ZBTB32: variants seen among roughly 807,000 people sequenced by gnomAD.
ZBTB32 encodes zinc finger and BTB domain-containing protein 32.
A neutral mutation model predicts 45.3 loss-of-function variants in ZBTB32; 28 were observed. The ratio of observed to expected loss-of-function variants is 0.62; its 90% confidence interval spans 0.46 to 0.85. The LOEUF is 0.85. Ranked by LOEUF, ZBTB32 falls within the 40% of genes least tolerant of loss-of-function variation. The pLI is 0.00. For synonymous variants in ZBTB32, 283 were observed against 255.7 expected, an observed-to-expected ratio of 1.11 and a Z score of -1.02; for missense variants, 587 against 624.4, an observed-to-expected ratio of 0.94 and a Z score of 0.64.
In ZBTB32 at chr19:35,715,551, A is replaced by G. The variant is rs773266548; in HGVS notation, c.881+44A>G. The G allele has an allele frequency of 3.2e-5, 48 of 1,510,788 alleles. 1 individual carries two copies. In the South Asian group the frequency reaches 5.7e-4, roughly 18 times the overall value. The allele number at this position is 1,510,788 out of a possible 1,614,324, so 93.6% of individuals were successfully genotyped here. ...TGCTCTGCCTCCAGGCTGGGAGGGCATGGCCCAGGAGGGGCAGCCCTGCTG... is the reference window on the plus strand; with the variant it reads ...TGCTCTGCCTCCAGGCTGGGAGGGCGTGGCCCAGGAGGGGCAGCCCTGCTG... On this transcript the variant is annotated intron_variant, in intron 3 of 6. Coordinates refer to ENST00000392197, the MANE Select transcript of ZBTB32 (RefSeq NM_014383.3).
At chr19:35,711,930 C>T (rs1393175503) in intron 1 of ZBTB32, among the ~76,000 whole-genome samples, 2 of 143,518 alleles carry the variant, frequency 1.4e-5, no homozygotes, top group East Asian at 4.2e-4. Flanking sequence ...GAGGCTGAGG[C>T]AGGAGAATCG....
chr19:35,713,964 G>A (rs980356600), intron 2 of ZBTB32, among the ~76,000 whole-genome samples: 4 of 152,246 alleles, frequency 2.6e-5, no homozygotes, highest in African/African-American at 4.8e-5. Flanking sequence ...CCTTCCCTGA[G>A]GATGTGTTCT....
chr19:35,710,779 G>C (rs574858219), intron 1 of ZBTB32, among the ~76,000 whole-genome samples: 1 of 152,240 alleles, frequency 6.6e-6, no homozygotes, highest in East Asian at 1.9e-4. Context: ...AGCACCAGCA[G>C]TGTCCCTACT....
At chr19:35,711,389 G>C (rs909940531) in intron 1 of ZBTB32, among the ~76,000 whole-genome samples, 1 of 152,180 alleles carries the variant, frequency 6.6e-6, no homozygotes, top group African/African-American at 2.4e-5. Context: ...TCTTTTATAT[G>C]GGTGTGGTGG....
At chr19:35,707,416 C>G (rs1401670296) in intron 1 of ZBTB32, among the ~76,000 whole-genome samples, 1 of 141,264 alleles carries the variant, frequency 7.1e-6, no homozygotes, top group Non-Finnish European at 1.5e-5. Context: ...TGTTACCAGG[C>G]TGGAGTGCAG....
At chr19:35,713,753 T>C (rs1045050174) in intron 2 of ZBTB32, among the ~76,000 whole-genome samples, 2 of 152,254 alleles carry the variant, frequency 1.3e-5, no homozygotes, top group Non-Finnish European at 2.9e-5. Flanking sequence ...TCACTTTTTG[T>C]CTTATGAAAA....
rs771777544 is a variant in ZBTB32 at position 35,717,016 on chromosome 19, G to C, written c.*264G>C. ...TTGTCGATCTCATCACCATAATAAA[G>C]AGTTTCCTGTGCCCTCCCTTCAGGA... On this transcript the variant is annotated 3_prime_UTR_variant, in exon 7 of 7. Coordinates refer to ENST00000392197, the MANE Select transcript of ZBTB32 (RefSeq NM_014383.3). 10 of 519,142 alleles carry C rather than the reference G, an allele frequency of 1.9e-5. No individual in the cohort carries two copies. Among genetic ancestry groups the C allele is most frequent in the African/African-American group, 1.3e-4 (7 of 52,422 alleles). 32.2% of individuals were successfully genotyped at this position (519,142 alleles called of 1,614,324 possible). A position where few individuals can be genotyped will look rare whatever the true frequency, so the allele number is the denominator to read the frequency against.
chr19:35,706,249 A>G lies in ZBTB32; in HGVS notation c.-222+1626A>G, dbSNP rs117804424. Among the ~76,000 whole-genome samples, 512 of 149,594 alleles carry G rather than the reference A, an allele frequency of 3.4e-3. 29 individuals are homozygous for G. The East Asian group carries it at 0.095, about 28-fold the overall frequency. On this transcript the variant is annotated intron_variant, in intron 1 of 6. Coordinates refer to ENST00000392197, the MANE Select transcript of ZBTB32 (RefSeq NM_014383.3). ...ATCTCAAAAAAAAAAAAAAAACTGG[A>G]ATTGGGTCATGTCTGGAGCTTTTCA... is the stretch of plus-strand genomic sequence containing the variant.
intron 1 of ZBTB32, among the ~76,000 whole-genome samples, chr19:35,706,540 G>A (rs1035282651): frequency 2.0e-5 from 3 of 152,180 alleles, no homozygotes; most frequent in East Asian, 1.9e-4. Flanking sequence ...TGGCCAACGT[G>A]GTGAAACCCC....
At chr19:35,716,424 A>G (rs1210378286) in intron 6 of ZBTB32, 54 bp from the exon 7 acceptor site, 1 of 1,585,542 alleles carries the variant, frequency 6.3e-7, no homozygotes, top group Non-Finnish European at 8.6e-7. Context: ...TAACTTGGCC[A>G]GCTTTCGCCG....
In ZBTB32 at chr19:35,715,144, G is replaced by T. The variant is rs777509016; in HGVS notation, c.518G>T (p.Gly173Val). 2 of 1,613,914 alleles carry T rather than the reference G, an allele frequency of 1.2e-6. No homozygotes were observed. The highest frequency in any genetic ancestry group is 4.5e-5 in the East Asian group (2 of 44,880). Residue 173 changes from glycine to valine, a missense_variant, in exon 3 of 7, where the codon GGC becomes GTC. By Grantham distance (109) the Gly-to-Val change is moderately radical (BLOSUM62 -3). Transcript: ENST00000392197. ...TTGCACAAGCACTCGCCACCAAGAG[G>T]CAGACCCGAGATGGCAGGAGCAACG... ...EMLHKHSPPRGRPEMAGATQE... is the reference protein window; with the variant it reads ...EMLHKHSPPRVRPEMAGATQE...
intron 1 of ZBTB32, among the ~76,000 whole-genome samples, chr19:35,707,850 T>C (rs1447461070): frequency 1.3e-5 from 2 of 151,980 alleles, no homozygotes; most frequent in African/African-American, 2.4e-5. Context: ...GGTGTCGTGG[T>C]GCGTGCCTGT....
intron 2 of ZBTB32, chr19:35,713,525 C>T (rs35729071): frequency 0.13 from 19,814 of 152,478 alleles, 1,670 homozygotes; most frequent in Middle Eastern, 0.28. Context: ...CCCTGCCAAC[C>T]TAGAGCCCTC....
chr19:35,710,070 G>C (rs1968648102), intron 1 of ZBTB32, among the ~76,000 whole-genome samples: 1 of 151,720 alleles, frequency 6.6e-6, no homozygotes, highest in South Asian at 2.1e-4. Context: ...AATTAGTCAG[G>C]CATGGTAGCA....
chr19:35,711,598 GAGGGA>G (rs1968694548), intron 1 of ZBTB32, among the ~76,000 whole-genome samples: 1 of 152,168 alleles, frequency 6.6e-6, no homozygotes, highest in South Asian at 2.1e-4. Context: ...CACCCATGTG[GAGGGA>G]AGGCGTGGTA....
rs1968927642 is a variant in ZBTB32, at chr19:35,716,793, A to G, written c.*41A>G. 2 of 1,570,014 alleles carry G rather than the reference A, an allele frequency of 1.3e-6. No homozygotes were observed. The highest frequency in any genetic ancestry group is 1.7e-6 in the Non-Finnish European group (2 of 1,152,290). On this transcript the variant is annotated 3_prime_UTR_variant, in exon 7 of 7. Transcript: ENST00000392197. Reference sequence around the variant, plus strand: ...GTCTTAGCCAAGAGTCCAATTAAAGAACGAAAAGCGGGCCGGCTCGGCTTC... The same window carrying G: ...GTCTTAGCCAAGAGTCCAATTAAAGGACGAAAAGCGGGCCGGCTCGGCTTC...
chr19:35,714,016 C>G (rs1175231825), intron 2 of ZBTB32: 1 of 152,316 alleles, frequency 6.6e-6, no homozygotes, highest in Non-Finnish European at 1.5e-5. Flanking sequence ...GATGCCTTAG[C>G]GCCTGCGCTC....
At chr19:35,707,369 C>CTT (rs35043509) in intron 1 of ZBTB32, among the ~76,000 whole-genome samples, 13,372 of 119,578 alleles carry the variant, frequency 0.11, 1,658 homozygotes, top group African/African-American at 0.28. Flanking sequence ...CTACCATTTT[C>CTT]TTTTTTTTTT....
chr19:35,708,887 C>T (rs552703528), intron 1 of ZBTB32, among the ~76,000 whole-genome samples: 4 of 150,862 alleles, frequency 2.7e-5, no homozygotes, highest in African/African-American at 9.8e-5. Context: ...GGCGCGATCT[C>T]GGCTCACCGC....
Sources: gnomAD v4.1 joint callset for allele counts (sites outside exome capture counted in the v4.1 genomes callset) on GRCh38, gnomAD v4.1.1 for gene constraint, MANE v1.5 for transcripts, NCBI Gene and HGNC (gene_info 2026-07-23, HGNC 2026-07-21) for gene names.